The following RERE variants were observed in gnomAD, a reference collection of about 807,000 sequenced individuals.
RERE encodes the protein arginine-glutamic acid dipeptide repeats protein.
RERE carries 40 observed loss-of-function variants against 146.1 expected under a neutral mutation model. The ratio of observed to expected loss-of-function variants is 0.27; its 90% confidence interval spans 0.21 to 0.36. The LOEUF is 0.36. RERE is among the 10% of genes least tolerant of loss of function. The pLI, the probability that RERE is intolerant of heterozygous loss-of-function variation, is 1.00. For missense variants in RERE, 1,933 were observed against 2,138.7 expected (o/e 0.90, Z 1.90); for synonymous variants, 1,003 against 866.0 (o/e 1.16, Z -2.78).
chr1:8,701,323 CGCACACA>C (rs1184449345), intron 1 of RERE, among the ~76,000 whole-genome samples: 2 of 20,604 alleles, frequency 9.7e-5, no homozygotes, highest in Non-Finnish European at 1.7e-4. Flanking sequence ...CACACACACA[CGCACACA>C]CTCCCTCCCT....
chr1:8,546,310 T>TA (rs5772327), intron 6 of RERE, among the ~76,000 whole-genome samples: 122,884 of 150,026 alleles, frequency 0.82, 50,482 homozygotes, highest in East Asian at 0.95. Flanking sequence ...TAAAAATAAA[T>TA]AAAAATATAT....
At chr1:8,531,059 ATCTATCTATCTAACTT>A (rs1171853309) in intron 7 of RERE, among the ~76,000 whole-genome samples, 3 of 147,468 alleles carry the variant, frequency 2.0e-5, no homozygotes, top group Non-Finnish European at 4.5e-5. Flanking sequence ...CTATCTATCT[ATCTATCTATCTAACTT>A]TCTATCTATC....
intron 1 of RERE, among the ~76,000 whole-genome samples, chr1:8,666,968 A>C (rs769643256): frequency 6.6e-6 from 1 of 152,192 alleles, no homozygotes; most frequent in African/African-American, 2.4e-5. Context: ...AAGGAACCTA[A>C]ATAACTGCAA....
intron 8 of RERE, among the ~76,000 whole-genome samples, chr1:8,498,714 A>T (rs939994551): frequency 4.0e-4 from 43 of 108,828 alleles, no homozygotes; most frequent in South Asian, 8.8e-4. Context: ...AAAAAATAAA[A>T]AAAAAAAAAT....
rs994555445 is a variant in RERE, at chr1:8,352,420, TTTTA to T, written c.*2663_*2666del. The T allele has an allele frequency of 2.0e-5, 3 of 152,448 alleles. No homozygotes were observed. The highest frequency in any genetic ancestry group is 4.8e-5 in the African/African-American group (2 of 41,448). The allele number at this position is 152,448 out of a possible 1,614,324, so 9.4% of individuals were successfully genotyped here. The stretch of plus-strand genomic sequence containing the variant: ...ACCCAAGGGTTGTAGTGTAGCTTGG[TTTTA>T]TTTATGTCCACAAATATTTCAAAAA... On this transcript the variant is annotated 3_prime_UTR_variant, in exon 23 of 23. Transcript: ENST00000400908.
At chr1:8,699,536 C>A (rs1286758002) in intron 1 of RERE, among the ~76,000 whole-genome samples, 1 of 152,152 alleles carries the variant, frequency 6.6e-6, no homozygotes, top group Non-Finnish European at 1.5e-5. Context: ...AGACCCCAAT[C>A]ATCATTAATA....
At chr1:8,641,332 C>T (rs2124284500) in intron 2 of RERE, among the ~76,000 whole-genome samples, 1 of 152,264 alleles carries the variant, frequency 6.6e-6, no homozygotes. Flanking sequence ...TTCTTAGCTA[C>T]TACAAAGTAA....
chr1:8,397,734 G>C (rs1034332461), intron 12 of RERE, among the ~76,000 whole-genome samples: 1 of 152,124 alleles, frequency 6.6e-6, no homozygotes, highest in Non-Finnish European at 1.5e-5. Flanking sequence ...CCCATATGCA[G>C]TAAGTTCCTG....
chr1:8,786,114 TCTAA>T (rs1309877119), intron 1 of RERE: 33 of 443,362 alleles, frequency 7.4e-5, no homozygotes, highest in African/African-American at 1.8e-4. Context: ...CTGGCAGCAG[TCTAA>T]CTTTCTTTTT....
At chr1:8,748,110 C>A (rs1008769120) in intron 1 of RERE, among the ~76,000 whole-genome samples, 1 of 152,090 alleles carries the variant, frequency 6.6e-6, no homozygotes, top group Non-Finnish European at 1.5e-5. Flanking sequence ...TAGTTGTATA[C>A]AACTACACAT....
intron 1 of RERE, among the ~76,000 whole-genome samples, chr1:8,694,960 C>G (rs1403334792): frequency 2.0e-5 from 2 of 97,870 alleles, no homozygotes; most frequent in African/African-American, 8.1e-5. Context: ...CCCAAAGAGC[C>G]AAAGAAATCC....
intron 6 of RERE, among the ~76,000 whole-genome samples, chr1:8,554,340 G>C (rs190684225): frequency 6.6e-6 from 1 of 152,050 alleles, no homozygotes. Flanking sequence ...CCCTCAACCC[G>C]TGAGACAAGA....
chr1:8,750,044 C>T (rs1640498852), intron 1 of RERE, among the ~76,000 whole-genome samples: 1 of 149,074 alleles, frequency 6.7e-6, no homozygotes, highest in Admixed American at 6.8e-5. Flanking sequence ...CTCAGCTACC[C>T]GGGAGGCTAA....
intron 1 of RERE, among the ~76,000 whole-genome samples, chr1:8,670,785 G>C: frequency 6.6e-6 from 1 of 152,168 alleles, no homozygotes; most frequent in East Asian, 1.9e-4. Context: ...TGGAGAGATA[G>C]CTCAGTACTT....
intron 1 of RERE, among the ~76,000 whole-genome samples, chr1:8,701,404 T>C (rs577493097): frequency 2.6e-5 from 4 of 151,740 alleles, no homozygotes; most frequent in Non-Finnish European, 4.4e-5. Flanking sequence ...CTATACGCTA[T>C]AAAAACACAC....
intron 11 of RERE, among the ~76,000 whole-genome samples, chr1:8,451,173 G>A (rs1347725910): frequency 6.6e-6 from 1 of 152,212 alleles, no homozygotes; most frequent in Non-Finnish European, 1.5e-5. Context: ...GCTCACACCT[G>A]TAATCCCAGC....
intron 12 of RERE, among the ~76,000 whole-genome samples, chr1:8,403,091 G>A (rs973089039): frequency 2.0e-4 from 30 of 152,040 alleles, no homozygotes; most frequent in Admixed American, 1.8e-3. Flanking sequence ...TAGAGACGGG[G>A]TTTCACCATG....
Position 8,655,966 on chromosome 1 carries a change from T to TC in RERE, c.325+6dup. ...CATTGGCAAGACCCAAACGTAAGGCTCCTTACCTCCTGGTCTGTAGACCAC... is the reference window on the plus strand; with the variant it reads ...CATTGGCAAGACCCAAACGTAAGGCTCCCTTACCTCCTGGTCTGTAGACCAC... On this transcript the variant is annotated splice_region_variant and intron_variant, in intron 2 of 22. Coordinates refer to ENST00000400908, the MANE Select transcript of RERE (RefSeq NM_001042681.2). 1 of 1,611,636 alleles carries TC rather than the reference T, an allele frequency of 6.2e-7. No individual in the cohort carries two copies. The highest frequency in any genetic ancestry group is 8.5e-7 in the Non-Finnish European group (1 of 1,178,912).
intron 10 of RERE, among the ~76,000 whole-genome samples, chr1:8,467,528 G>T (rs1285675338): frequency 1.3e-5 from 2 of 152,244 alleles, no homozygotes; most frequent in African/African-American, 4.8e-5. Context: ...TAAGCTGGCA[G>T]TGGTAAATAT....
Sources: allele counts gnomAD v4.1 joint callset (sites outside exome capture counted in the v4.1 genomes callset), GRCh38; gene constraint gnomAD v4.1.1; transcripts MANE v1.5; gene names NCBI Gene and HGNC (gene_info 2026-07-23, HGNC 2026-07-21).